The following KLF12 variants were observed in gnomAD, a reference collection of about 807,000 sequenced individuals.
KLF12 encodes the protein Krueppel-like factor 12.
KLF12 carries 9 observed loss-of-function variants against 37.8 expected under a neutral mutation model. The observed-to-expected ratio is 0.24, with a 90% CI of 0.14 to 0.42. The LOEUF is 0.42. Ranked by LOEUF, KLF12 falls within the 10% of genes least tolerant of loss-of-function variation. The probability of loss-of-function intolerance (pLI) is 1.00; values close to 1 mark genes in which losing one functional copy is unlikely to be tolerated. For missense variants in KLF12, 411 were observed against 516.0 expected (o/e 0.80, Z 1.97); for synonymous variants, 208 against 202.1 (o/e 1.03, Z -0.25).
chr13:74,045,667 T>C (rs1026125387), intron 1 of KLF12, among the ~76,000 whole-genome samples: 1 of 150,864 alleles, frequency 6.6e-6, no homozygotes, highest in Non-Finnish European at 1.5e-5. Flanking sequence ...CAAGCCACTG[T>C]CTGTGTGGAG....
the KLF12 span, among the ~76,000 whole-genome samples, chr13:74,287,349 T>TGAGAGAGAGAGATAGAGAGAGAGAGAGA: frequency 2.9e-4 from 21 of 71,866 alleles, no homozygotes; most frequent in African/African-American, 1.2e-3. Flanking sequence ...CTATCAAAGT[T>TGAGAGAGAGAGATAGAGAGAGAGAGAGA]GAGAGAGAGA....
At chr13:74,207,678 CA>C in the KLF12 span, among the ~76,000 whole-genome samples, 1 of 151,958 alleles carries the variant, frequency 6.6e-6, no homozygotes, top group Non-Finnish European at 1.5e-5. Flanking sequence ...ATCTCAAAAA[CA>C]AAAACAAAAC....
chr13:74,011,239 CAAA>C (rs58892976), intron 1 of KLF12, among the ~76,000 whole-genome samples: 5 of 56,106 alleles, frequency 8.9e-5, no homozygotes, highest in East Asian at 6.0e-4. Context: ...CAAGTCAGAG[CAAA>C]AAAAAAAAAA....
At chr13:74,006,695 A>G (rs927552695) in intron 1 of KLF12, among the ~76,000 whole-genome samples, 1 of 152,204 alleles carries the variant, frequency 6.6e-6, no homozygotes, top group Non-Finnish European at 1.5e-5. Context: ...GTCAGAAGTC[A>G]TCAGCAACCA....
At chr13:74,186,988 A>G in the KLF12 span, among the ~76,000 whole-genome samples, 1 of 152,234 alleles carries the variant, frequency 6.6e-6, no homozygotes, top group Non-Finnish European at 1.5e-5. Context: ...TAAATGAGCT[A>G]TCATACAAAA....
At chr13:74,234,150 C>T in the KLF12 span, among the ~76,000 whole-genome samples, 2 of 152,052 alleles carry the variant, frequency 1.3e-5, no homozygotes, top group Admixed American at 6.5e-5. Flanking sequence ...AAACATAAAA[C>T]AGCTTAAAAA....
chr13:74,175,055 CG>C, the KLF12 span, among the ~76,000 whole-genome samples: 20 of 152,254 alleles, frequency 1.3e-4, 1 homozygote, highest in South Asian at 4.2e-3. Flanking sequence ...CATGGAGCCC[CG>C]GGTGCTGCTA....
intron 1 of KLF12, among the ~76,000 whole-genome samples, chr13:74,112,863 A>G (rs1024702023): frequency 3.3e-5 from 5 of 152,246 alleles, no homozygotes; most frequent in Non-Finnish European, 5.9e-5. Flanking sequence ...AGACAGACCG[A>G]AAGCCAGGCC....
intron 6 of KLF12, among the ~76,000 whole-genome samples, chr13:73,728,244 A>ATTAATTT (rs987808477): frequency 6.7e-6 from 1 of 149,748 alleles, no homozygotes; most frequent in Non-Finnish European, 1.5e-5. Flanking sequence ...GTTTTCTTAA[A>ATTAATTT]TTAATTTTTA....
intron 3 of KLF12, among the ~76,000 whole-genome samples, chr13:73,885,265 C>T (rs1887169512): frequency 6.6e-6 from 1 of 152,178 alleles, no homozygotes; most frequent in Admixed American, 6.5e-5. Context: ...GTCATTTTTG[C>T]ATCAACACCT....
intron 6 of KLF12, among the ~76,000 whole-genome samples, chr13:73,721,919 T>G (rs934978178): frequency 6.6e-6 from 1 of 152,126 alleles, no homozygotes; most frequent in Non-Finnish European, 1.5e-5. Flanking sequence ...AAGGCTGAGT[T>G]TGGCAGTGGT....
intron 1 of KLF12, among the ~76,000 whole-genome samples, chr13:74,083,805 G>A (rs1875084746): frequency 6.6e-6 from 1 of 152,164 alleles, no homozygotes; most frequent in Non-Finnish European, 1.5e-5. Context: ...TGAAATAGAA[G>A]TCTAGGCAAA....
intron 1 of KLF12, among the ~76,000 whole-genome samples, chr13:74,051,661 G>A (rs1235884176): frequency 2.6e-5 from 4 of 151,706 alleles, no homozygotes; most frequent in African/African-American, 7.3e-5. Flanking sequence ...ATCACACCCC[G>A]CCCCTAAAAA....
rs911715415 is a variant in KLF12, at chr13:73,689,607, C to G, written c.*5883G>C. On this transcript the variant is annotated 3_prime_UTR_variant, in exon 8 of 8. Transcript: ENST00000377669. ...TGCATCTGGTAATTTTTAGGACTAA[C>G]TGCAAAGATGGTTAAAGGCTAGGCT... 6.6e-6 allele frequency: 1 copy of G among 152,162 alleles called. No homozygotes were observed. The highest frequency in any genetic ancestry group is 1.5e-5 in the Non-Finnish European group (1 of 68,034). 9.4% of individuals were successfully genotyped at this position (152,162 alleles called of 1,614,324 possible).
intron 5 of KLF12, among the ~76,000 whole-genome samples, chr13:73,807,249 C>T (rs1882694205): frequency 6.6e-6 from 1 of 151,292 alleles, no homozygotes; most frequent in Non-Finnish European, 1.5e-5. Context: ...GTGGAGGTTG[C>T]AGTGAGCCGA....
chr13:74,162,744 A>G, the KLF12 span, among the ~76,000 whole-genome samples: 1 of 152,200 alleles, frequency 6.6e-6, no homozygotes, highest in African/African-American at 2.4e-5. Context: ...CATTGGTTAA[A>G]GTGCCCAGCC....
At chr13:73,801,860 G>A (rs1440112921) in intron 5 of KLF12, 1 of 152,104 alleles carries the variant, frequency 6.6e-6, no homozygotes, top group Non-Finnish European at 1.5e-5. Context: ...TATCCATGGT[G>A]TAATTTTGGA....
In KLF12 at chr13:73,715,389, C is replaced by T; in HGVS notation, c.1006G>A (p.Ala336Thr). ...GTACCTGTATGTGTCCTCCGGTGAG[C>T]CTTCAGGTGAGAACTTTTTGTGTAC... Residue 336 changes from alanine (A) to threonine (T), a missense_variant, in exon 7 of 8, where the codon GCT becomes ACT. By Grantham distance (58) the Ala-to-Thr change is moderately conservative. Coordinates refer to ENST00000377669, the MANE Select transcript of KLF12 (RefSeq NM_007249.5). The T allele has an allele frequency of 1.2e-6, 2 of 1,613,860 alleles. No homozygotes were observed. Among genetic ancestry groups the T allele is most frequent in the Non-Finnish European group, 1.7e-6 (2 of 1,179,870 alleles).
intron 3 of KLF12, among the ~76,000 whole-genome samples, chr13:73,872,972 G>C (rs189346229): frequency 6.6e-6 from 1 of 151,998 alleles, no homozygotes; most frequent in Non-Finnish European, 1.5e-5. Context: ...CAAACACCTG[G>C]AATATTTGTG....
Sources: gnomAD v4.1 joint callset for allele counts (sites outside exome capture counted in the v4.1 genomes callset) on GRCh38, gnomAD v4.1.1 for gene constraint, MANE v1.5 for transcripts, NCBI Gene and HGNC (gene_info 2026-07-23, HGNC 2026-07-21) for gene names.